SERPINE2: variants seen among roughly 807,000 people sequenced by gnomAD.
SERPINE2 encodes the protein glia-derived nexin.
SERPINE2 carries 14 observed loss-of-function variants against 36.3 expected under a neutral mutation model. The ratio of observed to expected loss-of-function variants is 0.39; its 90% CI spans 0.25 to 0.60. SERPINE2 has a LOEUF of 0.60. SERPINE2 is among the 20% of genes least tolerant of loss of function. The pLI is 0.57. For missense variants in SERPINE2, 418 were observed against 499.6 expected (o/e 0.84, Z 1.56); for synonymous variants, 192 against 191.8 (o/e 1.00, Z -0.01).
chr2:223,994,880 C>A (rs1001092623), intron 3 of SERPINE2, among the ~76,000 whole-genome samples: 2 of 152,220 alleles, frequency 1.3e-5, no homozygotes, highest in Non-Finnish European at 2.9e-5. Flanking sequence ...TACATCTCTC[C>A]ATTTTACAGA....
At chr2:224,038,632 A>G (rs962752632) in intron 1 of SERPINE2, 2 of 840,524 alleles carry the variant, frequency 2.4e-6, no homozygotes, top group South Asian at 2.9e-5. Context: ...CTGCCCAGGC[A>G]GAGGTAACAA....
intron 6 of SERPINE2, chr2:223,981,956 G>A (rs1407105451): frequency 2.0e-5 from 3 of 150,422 alleles, no homozygotes; most frequent in Admixed American, 6.6e-5. Flanking sequence ...AAAACAGAGC[G>A]ACAACACCTA....
intron 4 of SERPINE2, among the ~76,000 whole-genome samples, chr2:223,991,324 T>C (rs1171454632): frequency 6.6e-6 from 1 of 152,210 alleles, no homozygotes; most frequent in Non-Finnish European, 1.5e-5. Context: ...GGACCACAGA[T>C]CCCTGCCACG....
chr2:223,987,148 G>A (rs1290942294), intron 4 of SERPINE2, among the ~76,000 whole-genome samples: 1 of 152,084 alleles, frequency 6.6e-6, no homozygotes, highest in African/African-American at 2.4e-5. Context: ...ATCTGTAAAA[G>A]CCTACAATAA....
At chr2:223,986,045 A>G (rs193259365) in intron 4 of SERPINE2, among the ~76,000 whole-genome samples, 3 of 152,324 alleles carry the variant, frequency 2.0e-5, no homozygotes, top group Non-Finnish European at 2.9e-5. Context: ...ACATGTGCCA[A>G]TCACTGCCTT....
At chr2:223,978,295 C>A (rs138150284) in intron 7 of SERPINE2, 3,571 of 152,618 alleles carry the variant, frequency 0.023, 60 homozygotes, top group Non-Finnish European at 0.039. Context: ...TCCCAAAGTG[C>A]GGGCATTACA....
chr2:224,019,463 C>T (rs1264522695), intron 1 of SERPINE2, among the ~76,000 whole-genome samples: 1 of 152,142 alleles, frequency 6.6e-6, no homozygotes, highest in African/African-American at 2.4e-5. Flanking sequence ...AGCCTCAGGC[C>T]TTCATGCCTA....
At chr2:224,012,703 T>C (rs1311323547) in intron 1 of SERPINE2, among the ~76,000 whole-genome samples, 4 of 152,212 alleles carry the variant, frequency 2.6e-5, no homozygotes, top group Non-Finnish European at 4.4e-5. Context: ...TATGAATATT[T>C]ATTATTCTGT....
chr2:223,986,639 G>A (rs151296270), intron 4 of SERPINE2, among the ~76,000 whole-genome samples: 91 of 152,294 alleles, frequency 6.0e-4, no homozygotes, highest in African/African-American at 2.1e-3. Flanking sequence ...GGACCTGGAG[G>A]TGTTAACTGC....
intron 5 of SERPINE2, among the ~76,000 whole-genome samples, chr2:223,984,227 G>T (rs550171229): frequency 1.2e-3 from 182 of 152,174 alleles, no homozygotes; most frequent in Middle Eastern, 3.4e-3. Flanking sequence ...CAGGATTTGG[G>T]GTTACTTTTC....
At chr2:224,025,261 T>C (rs1397055206) in intron 1 of SERPINE2, among the ~76,000 whole-genome samples, 4 of 152,158 alleles carry the variant, frequency 2.6e-5, no homozygotes, top group South Asian at 2.1e-4. Context: ...TCCCTCAGAG[T>C]GCAGGATTGG....
intron 2 of SERPINE2, 143 bp downstream of exon 2, chr2:224,001,499 G>T: frequency 1.2e-6 from 1 of 835,974 alleles, no homozygotes; most frequent in African/African-American, 2.0e-5. Flanking sequence ...AGAAGAGACT[G>T]ACCCCAAGCC....
intron 3 of SERPINE2, among the ~76,000 whole-genome samples, chr2:223,995,324 T>C (rs1690838609): frequency 6.6e-6 from 1 of 152,210 alleles, no homozygotes; most frequent in Non-Finnish European, 1.5e-5. Flanking sequence ...CCAAGTCACT[T>C]CTGAGCTCTA....
rs756118813 is a variant in SERPINE2, at chr2:224,038,470, G to GT, written c.-23+628dup. 7 of 1,549,862 alleles carry GT rather than the reference G, an allele frequency of 4.5e-6. No individual in the cohort carries two copies. In the South Asian group the frequency reaches 8.3e-5, roughly 18 times the overall value. On this transcript the variant is annotated intron_variant, in intron 1 of 8. Transcript: ENST00000409304. ...GCCTAATTCCTTCCAGAATTTCTGAGTACCGTACTTTCATTTTACCTGCAG... is the reference window on the plus strand; with the variant it reads ...GCCTAATTCCTTCCAGAATTTCTGAGTTACCGTACTTTCATTTTACCTGCAG...
At chr2:224,017,777 T>A (rs979023566) in intron 1 of SERPINE2, among the ~76,000 whole-genome samples, 2 of 152,156 alleles carry the variant, frequency 1.3e-5, no homozygotes, top group African/African-American at 4.8e-5. Flanking sequence ...TTAGGACAGT[T>A]CTTGAGGCCC....
intron 1 of SERPINE2, among the ~76,000 whole-genome samples, chr2:224,019,763 T>A (rs1284575913): frequency 4.4e-5 from 2 of 45,968 alleles, no homozygotes; most frequent in African/African-American, 1.2e-4. Context: ...TTTTTTTTTT[T>A]TTAAAAAAAA....
At chr2:224,020,680 T>C (rs192468696) in intron 1 of SERPINE2, among the ~76,000 whole-genome samples, 94 of 152,308 alleles carry the variant, frequency 6.2e-4, no homozygotes, top group African/African-American at 2.2e-3. Context: ...ATGGATGAAA[T>C]AGTCAATTGT....
intron 1 of SERPINE2, among the ~76,000 whole-genome samples, chr2:224,034,488 G>A (rs145283042): frequency 6.6e-6 from 1 of 152,228 alleles, no homozygotes; most frequent in African/African-American, 2.4e-5. Flanking sequence ...AGATGGGAAG[G>A]GAGTGAAGAA....
intron 2 of SERPINE2, 179 bp downstream of exon 2, chr2:224,001,463 T>C: frequency 1.6e-6 from 1 of 613,904 alleles, no homozygotes; most frequent in Non-Finnish European, 2.7e-6. Flanking sequence ...TTCTCCTAAC[T>C]GCCAGCACCA....
Sources: allele counts gnomAD v4.1 joint callset (sites outside exome capture counted in the v4.1 genomes callset), GRCh38; gene constraint gnomAD v4.1.1; transcripts MANE v1.5; gene names NCBI Gene and HGNC (gene_info 2026-07-23, HGNC 2026-07-21).